PRKN: variants seen among roughly 807,000 people sequenced by gnomAD.
The protein encoded by PRKN is E3 ubiquitin-protein ligase parkin.
PRKN carries 56 observed loss-of-function variants against 59.5 expected under a neutral mutation model. The observed-to-expected ratio is 0.94, with a 90% CI of 0.76 to 1.18. The LOEUF is 1.18. PRKN is among the 50% of genes most tolerant of loss of function. The pLI is 0.00. For missense variants in PRKN, 657 were observed against 596.4 expected, an observed-to-expected ratio of 1.10 and a Z score of -1.06; for synonymous variants, 250 against 222.1, an observed-to-expected ratio of 1.13 and a Z score of -1.12.
chr6:161,740,235 G>A (rs1047734277), intron 7 of PRKN, among the ~76,000 whole-genome samples: 11 of 152,196 alleles, frequency 7.2e-5, no homozygotes, highest in African/African-American at 2.2e-4. Context: ...GCACCTGGAT[G>A]CCCATGATTA....
intron 3 of PRKN, among the ~76,000 whole-genome samples, chr6:162,217,208 T>C (rs900021740): frequency 2.0e-5 from 3 of 152,304 alleles, no homozygotes; most frequent in African/African-American, 7.2e-5. Flanking sequence ...CCCAATCATT[T>C]GTTCCCCTCA....
chr6:161,991,015 T>C (rs891419625), intron 5 of PRKN, among the ~76,000 whole-genome samples: 17 of 152,300 alleles, frequency 1.1e-4, no homozygotes, highest in African/African-American at 3.6e-4. Context: ...AAAAGTGTCA[T>C]GTCATATATA....
chr6:162,557,536 T>C (rs1375041372), intron 1 of PRKN, among the ~76,000 whole-genome samples: 1 of 152,134 alleles, frequency 6.6e-6, no homozygotes, highest in Non-Finnish European at 1.5e-5. Context: ...TTTTTTGAGA[T>C]AGAGTCTTGC....
At chr6:162,600,185 T>G (rs1275487837) in intron 1 of PRKN, among the ~76,000 whole-genome samples, 1 of 152,170 alleles carries the variant, frequency 6.6e-6, no homozygotes, top group Non-Finnish European at 1.5e-5. Context: ...CTGACTTCTA[T>G]CACCAAAACG....
chr6:161,724,149 C>T (rs77524514), intron 7 of PRKN, among the ~76,000 whole-genome samples: 4,647 of 152,282 alleles, frequency 0.031, 64 homozygotes, highest in African/African-American at 0.037. Flanking sequence ...CCTGAAAGGA[C>T]GGGCACATGG....
intron 2 of PRKN, among the ~76,000 whole-genome samples, chr6:162,403,187 C>T (rs981863090): frequency 6.6e-6 from 1 of 152,160 alleles, no homozygotes; most frequent in African/African-American, 2.4e-5. Context: ...AGGCCCAACA[C>T]CATCTGGCGC....
chr6:162,449,126 A>G (rs1220030887), intron 1 of PRKN, among the ~76,000 whole-genome samples: 3 of 152,134 alleles, frequency 2.0e-5, no homozygotes, highest in Non-Finnish European at 4.4e-5. Flanking sequence ...ACCTCAGGTG[A>G]TCAATTCGCC....
chr6:161,482,014 G>C (rs1462408020), intron 9 of PRKN, among the ~76,000 whole-genome samples: 1 of 134,970 alleles, frequency 7.4e-6, no homozygotes, highest in African/African-American at 2.7e-5. Context: ...TTTGCGGGGG[G>C]TGGGGGAGAC....
intron 5 of PRKN, among the ~76,000 whole-genome samples, chr6:162,015,342 G>A (rs1233994180): frequency 6.6e-6 from 1 of 152,130 alleles, no homozygotes; most frequent in African/African-American, 2.4e-5. Flanking sequence ...ACAAGTATAT[G>A]GGCTAAGGAT....
chr6:162,474,076 C>T (rs1003748104), intron 1 of PRKN, among the ~76,000 whole-genome samples: 2 of 152,096 alleles, frequency 1.3e-5, no homozygotes, highest in Admixed American at 6.6e-5. Flanking sequence ...TTACTAGTAA[C>T]AGAAACGCCC....
rs554446157 is a variant in PRKN, at chr6:162,188,405, T to C, written c.534+12726A>G. Among the ~76,000 whole-genome samples, 45 of 152,248 alleles carry C rather than the reference T, an allele frequency of 3.0e-4. 1 individual carries two copies. In the South Asian group the frequency reaches 8.5e-3, roughly 29 times the overall value. On this transcript the variant is annotated intron_variant, in intron 4 of 11. Transcript: ENST00000366898. Reference sequence around the variant, plus strand: ...AATTGTCATTTCCAACCCTGCCTCTTCATTCTCCAACCTGAACACCAACAT... The same window carrying C: ...AATTGTCATTTCCAACCCTGCCTCTCCATTCTCCAACCTGAACACCAACAT...
intron 6 of PRKN, among the ~76,000 whole-genome samples, chr6:161,964,481 G>C (rs1489885821): frequency 6.6e-6 from 1 of 151,948 alleles, no homozygotes; most frequent in Non-Finnish European, 1.5e-5. Flanking sequence ...TACTCCTATG[G>C]GGCCTGGGGC....
At chr6:162,571,692 A>G (rs1780335195) in intron 1 of PRKN, among the ~76,000 whole-genome samples, 1 of 152,170 alleles carries the variant, frequency 6.6e-6, no homozygotes, top group South Asian at 2.1e-4. Context: ...TGAGGGAGCC[A>G]GGAGCAAGGT....
chr6:161,404,323 A>T (rs1335071858), intron 9 of PRKN, among the ~76,000 whole-genome samples: 1 of 152,208 alleles, frequency 6.6e-6, no homozygotes, highest in East Asian at 1.9e-4. Flanking sequence ...GCACCTAGAC[A>T]GAAAATTGTG....
intron 1 of PRKN, among the ~76,000 whole-genome samples, chr6:162,552,404 G>A (rs1343503388): frequency 2.0e-5 from 3 of 152,146 alleles, no homozygotes; most frequent in Non-Finnish European, 4.4e-5. Flanking sequence ...AGGTTATCGC[G>A]GTGGCAATGG....
At chr6:161,895,920 C>T (rs373615892) in intron 6 of PRKN, among the ~76,000 whole-genome samples, 4 of 152,006 alleles carry the variant, frequency 2.6e-5, no homozygotes, top group South Asian at 2.1e-4. Context: ...ATTACCCAGA[C>T]GAAGGGAGCT....
chr6:161,811,417 T>C (rs1472578188), intron 6 of PRKN, among the ~76,000 whole-genome samples: 1 of 152,086 alleles, frequency 6.6e-6, no homozygotes, highest in African/African-American at 2.4e-5. Flanking sequence ...GATGGATAAA[T>C]AGATCAACAG....
intron 6 of PRKN, among the ~76,000 whole-genome samples, chr6:161,942,598 G>T (rs1045010680): frequency 6.6e-6 from 1 of 152,122 alleles, no homozygotes; most frequent in African/African-American, 2.4e-5. Flanking sequence ...ACTTCCTTTT[G>T]TTCCAATTCA....
intron 1 of PRKN, among the ~76,000 whole-genome samples, chr6:162,690,939 GA>G (rs1312615817): frequency 2.0e-5 from 3 of 152,060 alleles, no homozygotes; most frequent in African/African-American, 7.2e-5. Context: ...TCTTGGCACT[GA>G]ATGTTATGCC....
Sources: allele counts gnomAD v4.1 joint callset (sites outside exome capture counted in the v4.1 genomes callset), GRCh38; gene constraint gnomAD v4.1.1; transcripts MANE v1.5; gene names NCBI Gene and HGNC (gene_info 2026-07-23, HGNC 2026-07-21).